The following RMST variants were observed in gnomAD, a reference collection of about 807,000 sequenced individuals.
RMST encodes the protein rhabdomyosarcoma 2 associated transcript, also known as long intergenic non-protein coding RNA 54.
chr12:97,477,278 A>G (rs1874665322), intron 5 of RMST, among the ~76,000 whole-genome samples: 1 of 152,182 alleles, frequency 6.6e-6, no homozygotes, highest in Non-Finnish European at 1.5e-5. Context: ...GTCCATGGAT[A>G]AGCAGTGGAA....
chr12:97,465,578 AC>A (rs769967058), intron 4 of RMST: 26 of 152,200 alleles, frequency 1.7e-4, no homozygotes. Context: ...GCTTATGAGC[AC>A]CATCAGCTTT....
At chr12:97,555,120 A>G (rs1883608558) in intron 11 of RMST, among the ~76,000 whole-genome samples, 1 of 152,226 alleles carries the variant, frequency 6.6e-6, no homozygotes, top group Non-Finnish European at 1.5e-5. Flanking sequence ...TTTGACCTTT[A>G]ATTGCATGTC....
chr12:97,500,000 G>A lies in RMST; in HGVS notation n.1340+3944G>A, dbSNP rs144948409. ...TCATTACAACTAGCCCCTCATGCAT[G>A]TTTTTAAAAAGATGGGCATGAAGAG... On this transcript the variant is annotated intron_variant and non_coding_transcript_variant, in intron 10 of 13. Transcript: ENST00000640149. 1.4e-3 allele frequency among the ~76,000 whole-genome samples: 216 copies of A among 152,136 alleles called. 2 individuals carry two copies. Among genetic ancestry groups the A allele is most frequent in the African/African-American group, 5.0e-3 (207 of 41,530 alleles).
chr12:97,551,171 T>TTA (rs1229638367), intron 11 of RMST, among the ~76,000 whole-genome samples: 3 of 132,352 alleles, frequency 2.3e-5, no homozygotes. Context: ...TCATTGTTTT[T>TTA]AAAAAAAAAA....
chr12:97,471,804 T>TAATC (rs1323952560), intron 5 of RMST, among the ~76,000 whole-genome samples: 1 of 152,160 alleles, frequency 6.6e-6, no homozygotes, highest in Non-Finnish European at 1.5e-5. Context: ...GGGAAATATT[T>TAATC]AATCAGCCAC....
intron 10 of RMST, among the ~76,000 whole-genome samples, chr12:97,522,860 A>G (rs1302558448): frequency 6.6e-6 from 1 of 152,194 alleles, no homozygotes; most frequent in East Asian, 1.9e-4. Context: ...ATAGCCTCTA[A>G]TAAGCTTTTG....
At chr12:97,550,972 C>T (rs917642376) in intron 11 of RMST, among the ~76,000 whole-genome samples, 1 of 152,060 alleles carries the variant, frequency 6.6e-6, no homozygotes, top group Non-Finnish European at 1.5e-5. Flanking sequence ...ACAACATTAT[C>T]ACTATTTCGT....
chr12:97,534,786 GC>G (rs1230436244), intron 11 of RMST, among the ~76,000 whole-genome samples: 1 of 151,660 alleles, frequency 6.6e-6, no homozygotes, highest in Non-Finnish European at 1.5e-5. Flanking sequence ...CTATGAATAA[GC>G]CAAGATTAAT....
At chr12:97,525,911 T>A (rs997111118) in intron 10 of RMST, among the ~76,000 whole-genome samples, 1 of 152,002 alleles carries the variant, frequency 6.6e-6, no homozygotes, top group African/African-American at 2.4e-5. Context: ...AGTGGTGGCG[T>A]TAGATTCTCA....
intron 5 of RMST, among the ~76,000 whole-genome samples, chr12:97,477,093 G>A (rs1239103202): frequency 1.3e-5 from 2 of 152,136 alleles, no homozygotes; most frequent in Non-Finnish European, 2.9e-5. Context: ...AATAGGAATG[G>A]TTAGATGATG....
At position 97,548,931 on chromosome 12, in the gene RMST, C is replaced by A. The variant is rs1398637164; in HGVS notation, n.1546-11606C>A. ...AGATTGACTTGAAAAGGTTTATTTTCATTTTATCCCTTGCAATAGATATTT... is the reference window on the plus strand; with the variant it reads ...AGATTGACTTGAAAAGGTTTATTTTAATTTTATCCCTTGCAATAGATATTT... On this transcript the variant is annotated intron_variant and non_coding_transcript_variant, in intron 11 of 13. Transcript: ENST00000640149. Among the ~76,000 whole-genome samples, 3 of 152,122 alleles carry A rather than the reference C, an allele frequency of 2.0e-5. No homozygotes were observed. In the East Asian group the frequency reaches 5.8e-4, roughly 29 times the overall value.
At chr12:97,482,302 C>T (rs1031595810) in intron 5 of RMST, among the ~76,000 whole-genome samples, 3 of 152,148 alleles carry the variant, frequency 2.0e-5, no homozygotes, top group Non-Finnish European at 4.4e-5. Flanking sequence ...TGTGGTAGCT[C>T]GAAAGCAGCC....
intron 11 of RMST, among the ~76,000 whole-genome samples, chr12:97,558,474 T>G (rs1221289503): frequency 6.6e-6 from 1 of 152,222 alleles, no homozygotes; most frequent in African/African-American, 2.4e-5. Flanking sequence ...GAATTGAGGA[T>G]AGCAGATGTC....
At chr12:97,506,650 C>T (rs902169839) in intron 10 of RMST, among the ~76,000 whole-genome samples, 8 of 140,376 alleles carry the variant, frequency 5.7e-5, no homozygotes, top group South Asian at 2.3e-4. Flanking sequence ...CTGAAGCATG[C>T]GGATTGAAGA....
chr12:97,490,505 T>G (rs1392624028), intron 5 of RMST, among the ~76,000 whole-genome samples: 1 of 152,194 alleles, frequency 6.6e-6, no homozygotes, highest in Non-Finnish European at 1.5e-5. Flanking sequence ...TAAATGAGTT[T>G]CTATACACAA....
chr12:97,508,198 T>C (rs1337326444), intron 10 of RMST, among the ~76,000 whole-genome samples: 1 of 152,176 alleles, frequency 6.6e-6, no homozygotes, highest in Non-Finnish European at 1.5e-5. Context: ...TAAAATGTTA[T>C]CTATAAGAAG....
chr12:97,492,305 C>T (rs1876933860), intron 5 of RMST, among the ~76,000 whole-genome samples: 2 of 152,198 alleles, frequency 1.3e-5, no homozygotes, highest in African/African-American at 4.8e-5. Flanking sequence ...ATGGTCCTGT[C>T]ACTTTTAACC....
intron 10 of RMST, among the ~76,000 whole-genome samples, chr12:97,524,312 A>G (rs1880873047): frequency 6.6e-6 from 1 of 152,058 alleles, no homozygotes; most frequent in Non-Finnish European, 1.5e-5. Context: ...TCCAGGTGAT[A>G]TACAGGATCA....
chr12:97,493,773 T>C (rs1877115709), intron 7 of RMST: 2 of 152,250 alleles, frequency 1.3e-5, no homozygotes, highest in Admixed American at 1.3e-4. Flanking sequence ...CTATAATTTT[T>C]AGACACAAAC....
Sources: allele counts gnomAD v4.1 joint callset (sites outside exome capture counted in the v4.1 genomes callset), GRCh38; gene constraint gnomAD v4.1.1; transcripts MANE v1.5; gene names NCBI Gene and HGNC (gene_info 2026-07-23, HGNC 2026-07-21).